Variants in CHST8 observed in about 807,000 individuals in gnomAD.
CHST8 encodes GALNAC-4-ST1.
In CHST8, 10 loss-of-function variants were observed where a neutral mutation model predicts 15.0. The observed-to-expected ratio is 0.67, with a 90% CI of 0.41 to 1.13. CHST8 has a LOEUF of 1.13. Among genes scored for constraint, CHST8 ranks in the 50% most tolerant of loss-of-function variants. The pLI, the probability that CHST8 is intolerant of heterozygous loss-of-function variation, is 0.00. For missense variants in CHST8, 634 were observed against 608.2 expected, an observed-to-expected ratio of 1.04 and a Z score of -0.45; for synonymous variants, 259 against 256.6, an observed-to-expected ratio of 1.01 and a Z score of -0.09.
In CHST8 at chr19:33,772,740, G is replaced by A. The variant is rs757356571; in HGVS notation, c.952G>A (p.Val318Met). 5 of 1,613,374 alleles carry A rather than the reference G, an allele frequency of 3.1e-6. No homozygotes were observed. The highest frequency in any genetic ancestry group is 4.2e-6 in the Non-Finnish European group (5 of 1,179,974). The change falls in exon 5 of 5, where the codon GTG becomes ATG. Residue 318 changes from valine to methionine, a missense_variant. Transcript: ENST00000650847. ...FPEFVQYLLDVHRPVGMDIHW... is the reference protein window; with the variant it reads ...FPEFVQYLLDMHRPVGMDIHW... The stretch of plus-strand genomic sequence containing the variant: ...CGAGTTCGTCCAGTACCTGCTGGAC[G>A]TGCACCGGCCCGTGGGGATGGACAT...
intron 3 of CHST8, among the ~76,000 whole-genome samples, chr19:33,763,768 T>A (rs757820299): frequency 2.6e-5 from 4 of 152,182 alleles, no homozygotes; most frequent in African/African-American, 4.8e-5. Flanking sequence ...CTGCCTCAGA[T>A]GGAGGATGCA....
At chr19:33,719,610 G>A (rs1321436260) in intron 3 of CHST8, among the ~76,000 whole-genome samples, 1 of 151,966 alleles carries the variant, frequency 6.6e-6, no homozygotes, top group East Asian at 1.9e-4. Context: ...GCAGCCCCAG[G>A]GCTGACTTCC....
intron 3 of CHST8, among the ~76,000 whole-genome samples, chr19:33,720,424 T>G (rs1326973226): frequency 6.7e-6 from 1 of 150,004 alleles, no homozygotes; most frequent in Non-Finnish European, 1.5e-5. Context: ...ACCACACACA[T>G]GCACCACACA....
intron 1 of CHST8, among the ~76,000 whole-genome samples, chr19:33,660,999 GGGGT>G (rs1263152780): frequency 6.6e-6 from 1 of 152,188 alleles, no homozygotes; most frequent in Non-Finnish European, 1.5e-5. Context: ...TTGGTGGCCT[GGGGT>G]TGGAGATTGG....
intron 3 of CHST8, among the ~76,000 whole-genome samples, chr19:33,714,443 A>T (rs1486449150): frequency 3.3e-5 from 5 of 152,216 alleles, no homozygotes; most frequent in Admixed American, 6.5e-5. Context: ...GAGCTAAACG[A>T]TGGGTACCCA....
intron 3 of CHST8, among the ~76,000 whole-genome samples, chr19:33,769,306 A>G (rs1402758601): frequency 6.6e-6 from 1 of 152,226 alleles, no homozygotes; most frequent in Non-Finnish European, 1.5e-5. Flanking sequence ...CAAATCTGGC[A>G]TGACTCATTT....
In CHST8 at chr19:33,689,797, C is replaced by T. The variant is rs544031262; in HGVS notation, c.130+406C>T. The stretch of plus-strand genomic sequence containing the variant: ...AGCAAGACTCAGTTTCCCTGCCCAG[C>T]CCTGGGGAATCTAGCCTCTCTGGTC... On this transcript the variant is annotated intron_variant, in intron 3 of 4. Coordinates refer to ENST00000650847, the MANE Select transcript of CHST8 (RefSeq NM_001127895.2). Among the ~76,000 whole-genome samples the T allele has an allele frequency of 2.6e-5, 4 of 152,344 alleles. No individual in the cohort carries two copies. In the South Asian group the frequency reaches 8.3e-4, roughly 32 times the overall value.
intron 3 of CHST8, among the ~76,000 whole-genome samples, chr19:33,765,747 G>A (rs1974826910): frequency 6.6e-6 from 1 of 152,104 alleles, no homozygotes; most frequent in Admixed American, 6.6e-5. Context: ...TTTTAGTAGA[G>A]ACGAGGTTTC....
chr19:33,689,586 C>T (rs186543902), intron 3 of CHST8, among the ~76,000 whole-genome samples, 195 bp downstream of exon 3: 2 of 152,366 alleles, frequency 1.3e-5, no homozygotes, highest in East Asian at 1.9e-4. Context: ...GATGCAAGAC[C>T]TCCAGCCAGT....
In CHST8 at chr19:33,724,698, T is replaced by C. The variant is rs1004537828; in HGVS notation, c.130+35307T>C. On this transcript the variant is annotated intron_variant, in intron 3 of 4. Transcript: ENST00000650847. ...CCTGCCCCTGCCCCCTCTCCTTCCC[T>C]GCCTTCCCTTTTCTCCCCATCCTAG... is the stretch of plus-strand genomic sequence containing the variant. 3.9e-5 allele frequency among the ~76,000 whole-genome samples: 6 copies of C among 152,188 alleles called. 1 individual carries two copies. Among genetic ancestry groups the C allele is most frequent in the African/African-American group, 1.4e-4 (6 of 41,468 alleles).
chr19:33,746,995 A>G (rs907724402), intron 3 of CHST8, among the ~76,000 whole-genome samples: 2 of 152,192 alleles, frequency 1.3e-5, no homozygotes, highest in Non-Finnish European at 2.9e-5. Context: ...ATGCATGTCA[A>G]ACGGACTATA....
chr19:33,668,454 G>T (rs7250759), intron 2 of CHST8, among the ~76,000 whole-genome samples: 33,703 of 151,904 alleles, frequency 0.22, 3,983 homozygotes, highest in African/African-American at 0.28. Context: ...TTGTGAGGGG[G>T]GAAAGATAGC....
chr19:33,632,747 T>TTG lies in CHST8; in HGVS notation c.-164+10475_-164+10476dup, dbSNP rs10589446. 6.3e-3 allele frequency among the ~76,000 whole-genome samples: 945 copies of TTG among 149,710 alleles called. 2 individuals carry two copies. The highest frequency in any genetic ancestry group is 0.01 in the African/African-American group (423 of 40,656). On this transcript the variant is annotated intron_variant, in intron 1 of 4. Transcript: ENST00000650847. ...TTCTAACGATATGGATTGGTTTTCC[T>TTG]TGTGTGTGTGTGTGTGTGTGTGTGT...
chr19:33,689,159 C>A lies in CHST8; in HGVS notation c.-86-17C>A. On this transcript the variant is annotated splice_polypyrimidine_tract_variant and intron_variant, in intron 2 of 4. Transcript: ENST00000650847. Reference sequence around the variant, plus strand: ...GCCTCGCGCCTCGGTGATGACTATCCCTCCTCTGCCCCGTAGATCTCGGCC... The same window carrying A: ...GCCTCGCGCCTCGGTGATGACTATCACTCCTCTGCCCCGTAGATCTCGGCC... The A allele has an allele frequency of 7.3e-7, 1 of 1,377,490 alleles. No homozygotes were observed. The highest frequency in any genetic ancestry group is 9.5e-7 in the Non-Finnish European group (1 of 1,048,496). 85.3% of individuals were successfully genotyped at this position (1,377,490 alleles called of 1,614,324 possible). A position where few individuals can be genotyped will look rare whatever the true frequency, so the allele number is the denominator to read the frequency against.
chr19:33,759,588 G>A (rs2145375354), intron 3 of CHST8, among the ~76,000 whole-genome samples: 1 of 152,242 alleles, frequency 6.6e-6, no homozygotes, highest in South Asian at 2.1e-4. Context: ...GCTCCCACAG[G>A]CACGTCTGCC....
chr19:33,637,482 A>G lies in CHST8; in HGVS notation c.-164+15186A>G, dbSNP rs569078421. On this transcript the variant is annotated intron_variant, in intron 1 of 4. Transcript: ENST00000650847. ...CAGTGGCGGGATCTCAGCTCACTGCAAGCCCCGCCTTCTGGGTTCACGCCA... is the reference window on the plus strand; with the variant it reads ...CAGTGGCGGGATCTCAGCTCACTGCGAGCCCCGCCTTCTGGGTTCACGCCA... Among the ~76,000 whole-genome samples the G allele has an allele frequency of 3.7e-4, 56 of 149,634 alleles. 1 individual carries two copies. In the South Asian group the frequency reaches 0.012, roughly 31 times the overall value.
chr19:33,745,810 C>CT (rs1286396937), intron 3 of CHST8, among the ~76,000 whole-genome samples: 11 of 152,242 alleles, frequency 7.2e-5, no homozygotes, highest in African/African-American at 2.7e-4. Flanking sequence ...GGTGAGGGGA[C>CT]TTTGTCCAGC....
intron 3 of CHST8, among the ~76,000 whole-genome samples, chr19:33,752,448 T>C (rs1323470408): frequency 6.6e-6 from 1 of 152,218 alleles, no homozygotes; most frequent in Non-Finnish European, 1.5e-5. Context: ...ATGGGAAGTA[T>C]ATATTAACTG....
intron 2 of CHST8, among the ~76,000 whole-genome samples, chr19:33,674,178 C>T (rs539024360): frequency 1.3e-5 from 2 of 152,350 alleles, no homozygotes; most frequent in East Asian, 3.9e-4. Context: ...GATTCAGCCA[C>T]TTCACCCCAG....
Sources: allele counts gnomAD v4.1 joint callset (sites outside exome capture counted in the v4.1 genomes callset), GRCh38; gene constraint gnomAD v4.1.1; transcripts MANE v1.5; gene names NCBI Gene and HGNC (gene_info 2026-07-23, HGNC 2026-07-21).